ZNF469: variants seen among roughly 807,000 people sequenced by gnomAD.
The protein encoded by ZNF469 is zinc finger protein 469.
ZNF469 carries 1 observed loss-of-function variant against 1.0 expected under a neutral mutation model. That is an observed-to-expected ratio of 1.00 (90% CI 0.35 to 4.73). The LOEUF is 4.73. ZNF469 is among the 30% of genes most tolerant of loss of function. The probability of loss-of-function intolerance (pLI) is 0.16; values close to 1 mark genes in which losing one functional copy is unlikely to be tolerated. For missense variants in ZNF469, 6,100 were observed against 5,356.3 expected (o/e 1.14, Z -4.33); for synonymous variants, 2,703 against 2,363.4 (o/e 1.14, Z -4.17).
At chr16:88,132,989 G>A in the ZNF469 span, among the ~76,000 whole-genome samples, 11 of 152,220 alleles carry the variant, frequency 7.2e-5, no homozygotes, top group Middle Eastern at 3.2e-3. Context: ...GCACAGGTGC[G>A]GTGGGCATGC....
At chr16:88,301,532 C>T in the ZNF469 span, among the ~76,000 whole-genome samples, 6 of 152,206 alleles carry the variant, frequency 3.9e-5, no homozygotes, top group Admixed American at 2.6e-4. Context: ...CAGAGGCAGA[C>T]GCTCACCCGA....
the ZNF469 span, among the ~76,000 whole-genome samples, chr16:88,253,189 C>T: frequency 2.0e-5 from 3 of 152,142 alleles, no homozygotes; most frequent in Admixed American, 1.3e-4. Flanking sequence ...TTATCCATGC[C>T]TTCTTGTGGC....
intron 1 of ZNF469, among the ~76,000 whole-genome samples, chr16:88,408,567 C>T (rs1567503308): frequency 6.6e-6 from 1 of 152,144 alleles, no homozygotes; most frequent in East Asian, 1.9e-4. Flanking sequence ...TCACCAGAAG[C>T]GGGGTCAGCA....
chr16:88,428,339 C>T lies in ZNF469; in HGVS notation c.869C>T (p.Ala290Val), dbSNP rs117501524. 1.3e-3 allele frequency: 2,022 copies of T among 1,549,776 alleles called. 56 individuals are homozygous for T. The East Asian group carries it at 0.037, about 29-fold the overall frequency. The change falls in exon 3 of 3, where the codon GCG (alanine) becomes GTG (valine). Residue 290 changes from alanine to valine, a missense_variant. By Grantham distance (64) the Ala-to-Val change is moderately conservative (BLOSUM62 0). Transcript: ENST00000565624. The stretch of plus-strand genomic sequence containing the variant: ...GGGGCCAGCACAAAACCCTTCCCTG[C>T]GGATGTGGCTGGGCACGCATTCACC... ...LHGASTKPFP[A>V]DVAGHAFTNG...
At chr16:88,174,476 G>GTCCA in the ZNF469 span, among the ~76,000 whole-genome samples, 1 of 101,582 alleles carries the variant, frequency 9.8e-6, no homozygotes, top group African/African-American at 4.2e-5. Context: ...CTGTCTGTCT[G>GTCCA]TCTATCTATC....
the ZNF469 span, among the ~76,000 whole-genome samples, chr16:88,338,893 C>T: frequency 7.2e-5 from 11 of 152,142 alleles, no homozygotes; most frequent in African/African-American, 2.4e-4. Flanking sequence ...GGCCCTGCAA[C>T]GCCTTGGTTT....
the ZNF469 span, among the ~76,000 whole-genome samples, chr16:88,217,963 G>T: frequency 2.4e-5 from 1 of 42,166 alleles, no homozygotes; most frequent in African/African-American, 6.2e-5. Context: ...ACCCAGTAAT[G>T]GGATGGCTGG....
chr16:88,321,266 C>T, the ZNF469 span, among the ~76,000 whole-genome samples: 1 of 152,268 alleles, frequency 6.6e-6, no homozygotes, highest in African/African-American at 2.4e-5. Flanking sequence ...GCTGGAAACC[C>T]AGGCAGGAGC....
the ZNF469 span, among the ~76,000 whole-genome samples, chr16:88,354,250 G>C: frequency 6.6e-6 from 1 of 152,158 alleles, no homozygotes; most frequent in Non-Finnish European, 1.5e-5. Context: ...TAGCTCCCCA[G>C]GGGGACCAGG....
Position 88,430,951 on chromosome 16 carries a change from T to A in ZNF469, c.3481T>A (p.Ser1161Thr). 1 of 1,532,942 alleles carries A rather than the reference T, an allele frequency of 6.5e-7. No homozygotes were observed. The allele number at this position is 1,532,942 out of a possible 1,614,324, so 95.0% of individuals were successfully genotyped here. A position where few individuals can be genotyped will look rare whatever the true frequency, so the allele number is the denominator to read the frequency against. ...CGCGAACCCCGAGGAGCCGGGCGGG[T>A]CTCGCCCGGGCCCCGGCAGGAGCCC... ...APANPEEPGG[S>T]RPGPGRSPQA... Residue 1161 changes from serine to threonine, a missense_variant, in exon 3 of 3, where the codon TCT becomes ACT. By Grantham distance (58) the Ser-to-Thr change is moderately conservative. Transcript: ENST00000565624.
chr16:88,287,263 G>A, the ZNF469 span, among the ~76,000 whole-genome samples: 3 of 152,230 alleles, frequency 2.0e-5, no homozygotes, highest in African/African-American at 7.2e-5. Context: ...CAAGTCTCCT[G>A]TCAACGGACA....
chr16:88,136,924 A>G, the ZNF469 span, among the ~76,000 whole-genome samples: 2 of 152,222 alleles, frequency 1.3e-5, no homozygotes, highest in Admixed American at 6.5e-5. Flanking sequence ...TGTCCTCCAC[A>G]CTCAAAGATC....
At chr16:88,355,256 G>A in the ZNF469 span, among the ~76,000 whole-genome samples, 1 of 152,212 alleles carries the variant, frequency 6.6e-6, no homozygotes, top group African/African-American at 2.4e-5. Context: ...CTTAAAGGCT[G>A]GGCTATTTTC....
chr16:88,358,365 C>T, the ZNF469 span, among the ~76,000 whole-genome samples: 167 of 152,272 alleles, frequency 1.1e-3, no homozygotes, highest in Middle Eastern at 3.4e-3. Flanking sequence ...TGTCATGATG[C>T]GAGACCTCTG....
At chr16:88,322,292 GC>G in the ZNF469 span, among the ~76,000 whole-genome samples, 1 of 152,252 alleles carries the variant, frequency 6.6e-6, no homozygotes, top group Non-Finnish European at 1.5e-5. Context: ...CTCACCTGAG[GC>G]CCCACGGCCG....
chr16:88,237,527 C>A, the ZNF469 span, among the ~76,000 whole-genome samples: 41 of 126,398 alleles, frequency 3.2e-4, no homozygotes, highest in African/African-American at 1.2e-3. Flanking sequence ...TGCCACGCAC[C>A]CTCCCTGCCC....
At chr16:88,287,421 C>T in the ZNF469 span, among the ~76,000 whole-genome samples, 5,083 of 152,302 alleles carry the variant, frequency 0.033, 122 homozygotes, top group Middle Eastern at 0.054. Flanking sequence ...ACCAGCGGAG[C>T]CCAGCCACCT....
chr16:88,332,458 G>A, the ZNF469 span, among the ~76,000 whole-genome samples: 42 of 152,316 alleles, frequency 2.8e-4, no homozygotes, highest in Non-Finnish European at 2.1e-4. Flanking sequence ...CCACGCTTGG[G>A]CACAGCCTTG....
the ZNF469 span, among the ~76,000 whole-genome samples, chr16:88,130,663 G>A: frequency 4.1e-5 from 6 of 145,778 alleles, no homozygotes; most frequent in African/African-American, 1.3e-4. Context: ...CCGAGATCGC[G>A]CCATTGCACT....
Sources: allele counts gnomAD v4.1 joint callset (sites outside exome capture counted in the v4.1 genomes callset), GRCh38; gene constraint gnomAD v4.1.1; transcripts MANE v1.5; gene names NCBI Gene and HGNC (gene_info 2026-07-23, HGNC 2026-07-21).